Variants in ACER2 observed in about 807,000 individuals in gnomAD.
The protein encoded by ACER2 is alkaline ceramidase 2.
In ACER2, 26 loss-of-function variants were observed where a neutral mutation model predicts 34.7. That is an observed-to-expected ratio of 0.75 (90% CI 0.55 to 1.04). ACER2 has a LOEUF of 1.04. ACER2 is among the 50% of genes least tolerant of loss of function. The probability of loss-of-function intolerance (pLI) is 0.00; values close to 1 mark genes in which losing one functional copy is unlikely to be tolerated. For synonymous variants in ACER2, 138 were observed against 132.1 expected (o/e 1.04, Z -0.31); for missense variants, 352 against 340.8 (o/e 1.03, Z -0.26).
chr9:19,414,886 C>G (rs1483742447), intron 1 of ACER2, among the ~76,000 whole-genome samples: 5 of 149,822 alleles, frequency 3.3e-5, no homozygotes, highest in African/African-American at 1.2e-4. Context: ...GTGCACTATT[C>G]TACAATTTCA....
At chr9:19,409,986 G>A (rs1748845599) in intron 1 of ACER2, 2 of 956,270 alleles carry the variant, frequency 2.1e-6, no homozygotes, top group South Asian at 9.7e-5. Flanking sequence ...AGCTGGGAGA[G>A]GAAATGCCTC....
chr9:19,427,614 C>G (rs1563879662), intron 3 of ACER2, among the ~76,000 whole-genome samples: 1 of 142,776 alleles, frequency 7.0e-6, no homozygotes, highest in Admixed American at 6.8e-5. Flanking sequence ...CTTTCTTTCT[C>G]CCTTCCCTCC....
At chr9:19,436,071 A>G (rs1433348768) in intron 4 of ACER2, among the ~76,000 whole-genome samples, 4 of 151,926 alleles carry the variant, frequency 2.6e-5, no homozygotes, top group Non-Finnish European at 1.5e-5. Flanking sequence ...AAGAAGAAAG[A>G]AGAAAGCCCT....
chr9:19,434,182 G>C (rs556800838), intron 3 of ACER2, among the ~76,000 whole-genome samples: 1 of 151,252 alleles, frequency 6.6e-6, no homozygotes, highest in African/African-American at 2.4e-5. Flanking sequence ...ATGGGCGGCC[G>C]GGCAGAGACG....
chr9:19,441,410 C>T, intron 4 of ACER2, among the ~76,000 whole-genome samples: 1 of 152,190 alleles, frequency 6.6e-6, no homozygotes, highest in Middle Eastern at 3.2e-3. Flanking sequence ...AAATCCTTGA[C>T]ATGCTCCAGC....
chr9:19,434,743 G>A (rs936743344), intron 3 of ACER2, among the ~76,000 whole-genome samples: 2 of 150,908 alleles, frequency 1.3e-5, no homozygotes, highest in Non-Finnish European at 2.9e-5. Flanking sequence ...GCTTCGGCTC[G>A]GCATGAGAGG....
intron 3 of ACER2, among the ~76,000 whole-genome samples, chr9:19,429,316 C>G (rs1830677741): frequency 6.6e-6 from 1 of 151,954 alleles, no homozygotes; most frequent in African/African-American, 2.4e-5. Context: ...CTATTATAGG[C>G]TAATTGTATC....
chr9:19,440,846 T>C (rs1288627461), intron 4 of ACER2, among the ~76,000 whole-genome samples: 1 of 152,110 alleles, frequency 6.6e-6, no homozygotes, highest in African/African-American at 2.4e-5. Context: ...CTAACCTGTC[T>C]AATTCCATGT....
chr9:19,420,890 A>G (rs1830385237), intron 1 of ACER2, among the ~76,000 whole-genome samples: 1 of 152,146 alleles, frequency 6.6e-6, no homozygotes, highest in South Asian at 2.1e-4. Flanking sequence ...ATCCAATTTA[A>G]CACCTCCAAA....
At chr9:19,435,111 T>C (rs768877469) in intron 4 of ACER2, 27 bp downstream of exon 4, 2 of 1,612,720 alleles carry the variant, frequency 1.2e-6, no homozygotes, top group Non-Finnish European at 1.7e-6. Flanking sequence ...CTGCCTACCC[T>C]TAGCTGTCCC....
At chr9:19,412,096 G>T (rs1830102979) in intron 1 of ACER2, among the ~76,000 whole-genome samples, 1 of 152,134 alleles carries the variant, frequency 6.6e-6, no homozygotes, top group African/African-American at 2.4e-5. Flanking sequence ...ATTTGGCATA[G>T]AATAGATATT....
rs149224164 is a variant in ACER2, at chr9:19,446,295, G to A, written c.518G>A (p.Arg173His). ...CCCCCGTGCAGGTGTGACAACATGC[G>A]TGTGTTTAAGCTGGGCCTCTTCTCG... ...IAELKRCDNMRVFKLGLFSGL... is the reference protein window; with the variant it reads ...IAELKRCDNMHVFKLGLFSGL... Residue 173 changes from arginine to histidine, a missense_variant, in exon 5 of 6, where the codon CGT becomes CAT. Transcript: ENST00000340967. 1.2e-5 allele frequency: 20 copies of A among 1,614,046 alleles called. No individual in the cohort carries two copies. The South Asian group carries it at 1.3e-4, about 11-fold the overall frequency.
intron 1 of ACER2, among the ~76,000 whole-genome samples, chr9:19,413,593 C>T (rs543127467): frequency 6.3e-5 from 9 of 143,756 alleles, no homozygotes; most frequent in Admixed American, 2.1e-4. Context: ...GAGCAAGATT[C>T]CATCTTAAGG....
intron 1 of ACER2, among the ~76,000 whole-genome samples, chr9:19,417,554 A>G (rs112131800): frequency 0.056 from 8,550 of 152,284 alleles, 767 homozygotes; most frequent in African/African-American, 0.19. Flanking sequence ...GGCCTCAGAA[A>G]TAATGTCACA....
At chr9:19,414,771 G>C (rs1220678084) in intron 1 of ACER2, among the ~76,000 whole-genome samples, 1 of 151,574 alleles carries the variant, frequency 6.6e-6, no homozygotes, top group Non-Finnish European at 1.5e-5. Flanking sequence ...TGTACTCCTT[G>C]AGAGGCGGAG....
intron 1 of ACER2, among the ~76,000 whole-genome samples, chr9:19,419,624 G>GGAGT (rs1372288910): frequency 6.6e-6 from 1 of 151,922 alleles, no homozygotes; most frequent in African/African-American, 2.4e-5. Context: ...AAATTAGCCA[G>GGAGT]GAGTGGCAGG....
At position 19,435,144 on chromosome 9, in the gene ACER2, G is replaced by A. The variant is rs79466514; in HGVS notation, c.503+60G>A. 5,468 of 1,587,506 alleles carry A rather than the reference G, an allele frequency of 3.4e-3. 83 individuals carry two copies. The African/African-American group carries it at 0.038, about 11-fold the overall frequency. ...CCCCGTGCTGGGAACACACCAGTTC[G>A]GGGCTTCTTTGCTGTCCTGTAGCAG... is the stretch of plus-strand genomic sequence containing the variant. On this transcript the variant is annotated intron_variant, in intron 4 of 5. Coordinates refer to ENST00000340967, the MANE Select transcript of ACER2 (RefSeq NM_001010887.3).
At chr9:19,439,899 G>A (rs569036433) in intron 4 of ACER2, among the ~76,000 whole-genome samples, 9 of 152,256 alleles carry the variant, frequency 5.9e-5, no homozygotes, top group Admixed American at 2.0e-4. Context: ...TCCAGGAGGC[G>A]GAGGTTGTGG....
rs1254991178 is a variant in ACER2, at chr9:19,450,556, A to C, written c.748A>C (p.Asn250His). Residue 250 changes from asparagine to histidine, a missense_variant, in exon 6 of 6, where the codon AAT becomes CAT. Coordinates refer to ENST00000340967, the MANE Select transcript of ACER2 (RefSeq NM_001010887.3). Reference protein sequence around the residue: ...EQGPVIKFWPNEKWAFIGVPY... With the variant: ...EQGPVIKFWPHEKWAFIGVPY... Reference sequence around the variant, plus strand: ...AGGCCCTGTCATCAAGTTCTGGCCCAATGAGAAATGGGCCTTCATTGGTGT... The same window carrying C: ...AGGCCCTGTCATCAAGTTCTGGCCCCATGAGAAATGGGCCTTCATTGGTGT... The C allele has an allele frequency of 6.2e-7, 1 of 1,610,816 alleles. No individual in the cohort carries two copies. The highest frequency in any genetic ancestry group is 8.5e-7 in the Non-Finnish European group (1 of 1,177,474).
Sources: gnomAD v4.1 joint callset for allele counts (sites outside exome capture counted in the v4.1 genomes callset) on GRCh38, gnomAD v4.1.1 for gene constraint, MANE v1.5 for transcripts, NCBI Gene and HGNC (gene_info 2026-07-23, HGNC 2026-07-21) for gene names.